The following PCDHGA6 variants were observed in gnomAD, a reference collection of about 807,000 sequenced individuals.
PCDHGA6 encodes protocadherin gamma subfamily A, 6, also known as protocadherin gamma-A6.
PCDHGA6 carries 41 observed loss-of-function variants against 60.6 expected under a neutral mutation model. The ratio of observed to expected loss-of-function variants is 0.68; its 90% confidence interval spans 0.53 to 0.88. PCDHGA6 has a LOEUF of 0.88. PCDHGA6 is among the 40% of genes least tolerant of loss of function. The pLI is 0.00. For synonymous variants in PCDHGA6, 594 were observed against 524.4 expected (o/e 1.13, Z -1.81); for missense variants, 1,312 against 1,203.0 (o/e 1.09, Z -1.34).
At position 141,490,370 on chromosome 5, in the gene PCDHGA6, G is replaced by C. The variant is rs768474199; in HGVS notation, c.2425-4437G>C. ...GTGGGGTTGTTTAATGTGCGAGACC[G>C]GGACTCAGGTAGAAATGGTGAAGTG... On this transcript the variant is annotated intron_variant, in intron 1 of 3. Coordinates refer to ENST00000517434, the MANE Select transcript of PCDHGA6 (RefSeq NM_018919.3). The surrounding 1 kb of genome is among the most constrained non-coding windows in gnomAD (Gnocchi z 5.4). 1 of 1,614,172 alleles carries C rather than the reference G, an allele frequency of 6.2e-7. No individual in the cohort carries two copies. Among genetic ancestry groups the C allele is most frequent in the Admixed American group, 1.7e-5 (1 of 60,026 alleles).
rs1432960207 is a variant in PCDHGA6, at chr5:141,477,648, C to A, written c.2425-17159C>A. On this transcript the variant is annotated intron_variant, in intron 1 of 3. Coordinates refer to ENST00000517434, the MANE Select transcript of PCDHGA6 (RefSeq NM_018919.3). This position sits in a 1 kb window ranked among gnomAD's most constrained non-coding sequence, Gnocchi z 4.9. ...ACCGGGCTAGTGGGTCGCTATTTCA[C>A]AATAAATCGTGACAATGGCATAGTG... is the stretch of plus-strand genomic sequence containing the variant. 7 of 1,614,046 alleles carry A rather than the reference C, an allele frequency of 4.3e-6. No homozygotes were observed. Among genetic ancestry groups the A allele is most frequent in the Non-Finnish European group, 5.9e-6 (7 of 1,180,044 alleles).
At chr5:141,484,589 C>T (rs2154580160) in intron 1 of PCDHGA6, among the ~76,000 whole-genome samples, 1 of 152,074 alleles carries the variant, frequency 6.6e-6, no homozygotes, top group African/African-American at 2.4e-5. Context: ...GGAAGCTACT[C>T]ATTTAGAATA....
intron 1 of PCDHGA6, chr5:141,423,914 A>G (rs2096790099): frequency 3.0e-5 from 38 of 1,268,116 alleles, no homozygotes; most frequent in Non-Finnish European, 3.0e-6. Flanking sequence ...GGGGCCATTC[A>G]ACTATGCTGG....
chr5:141,424,393 A>G (rs1241872928), intron 1 of PCDHGA6: 1 of 152,120 alleles, frequency 6.6e-6, no homozygotes, highest in Non-Finnish European at 1.5e-5. Flanking sequence ...TGTCTTTTCC[A>G]TTACTATGGT....
At chr5:141,474,871 A>G (rs894657981) in intron 1 of PCDHGA6, among the ~76,000 whole-genome samples, 5 of 152,236 alleles carry the variant, frequency 3.3e-5, no homozygotes, top group African/African-American at 1.2e-4. Context: ...ATAGGATAGG[A>G]GCAGGAACTC....
rs936750924 is a variant in PCDHGA6, at chr5:141,418,950, T to A, written c.2424+42443T>A. On this transcript the variant is annotated intron_variant, in intron 1 of 3. Transcript: ENST00000517434. ...ATTATGGAGGATTCCCCTCCAGGAG[T>A]GGTTGTTGCCCTCTTCAAAACACGG... 23 of 1,613,742 alleles carry A rather than the reference T, an allele frequency of 1.4e-5. No individual in the cohort carries two copies. Among genetic ancestry groups the A allele is most frequent in the Non-Finnish European group, 1.9e-5 (23 of 1,179,860 alleles).
At chr5:141,426,432 C>T (rs1239073805) in intron 1 of PCDHGA6, 2 of 295,812 alleles carry the variant, frequency 6.8e-6, no homozygotes, top group African/African-American at 2.2e-5. Flanking sequence ...TGGTGGGGAA[C>T]CTTGCGGAGG....
At position 141,393,547 on chromosome 5, in the gene PCDHGA6, C is replaced by G. The variant is rs761723933; in HGVS notation, c.2424+17040C>G. 11 of 1,613,820 alleles carry G rather than the reference C, an allele frequency of 6.8e-6. No homozygotes were observed. The African/African-American group carries it at 9.3e-5, about 14-fold the overall frequency. On this transcript the variant is annotated intron_variant, in intron 1 of 3. Transcript: ENST00000517434. ...GACAATGCCCCGGTTTTTCCTCACCCGATTTACCGAGTGAAAGTCCTTGAG... is the reference window on the plus strand; with the variant it reads ...GACAATGCCCCGGTTTTTCCTCACCGGATTTACCGAGTGAAAGTCCTTGAG...
intron 1 of PCDHGA6, among the ~76,000 whole-genome samples, chr5:141,453,974 T>C (rs1386640440): frequency 6.6e-6 from 1 of 152,242 alleles, no homozygotes; most frequent in Non-Finnish European, 1.5e-5. Flanking sequence ...CATGTAGTTG[T>C]GTTGCCTTCC....
At chr5:141,390,533 A>G (rs1589127549) in intron 1 of PCDHGA6, 1 of 529,950 alleles carries the variant, frequency 1.9e-6, no homozygotes. Context: ...GTGTGGTTTT[A>G]ACCACAAAGT....
Position 141,485,172 on chromosome 5 carries a change from C to A in PCDHGA6, c.2425-9635C>A. ...CAAGTAGAGAATTAGCGGGCGGCAG[C>A]AATGCTCCGCAAGGTGAGAAGCTGG... On this transcript the variant is annotated intron_variant, in intron 1 of 3. Transcript: ENST00000517434. The surrounding 1 kb of genome is among the most constrained non-coding windows in gnomAD (Gnocchi z 5.7). 6.2e-7 allele frequency: 1 copy of A among 1,610,164 alleles called. No individual in the cohort carries two copies. The highest frequency in any genetic ancestry group is 8.5e-7 in the Non-Finnish European group (1 of 1,176,940).
At chr5:141,414,811 C>T in intron 1 of PCDHGA6, 3 of 1,614,254 alleles carry the variant, frequency 1.9e-6, no homozygotes, top group Non-Finnish European at 2.5e-6. Context: ...GGATCCTCCA[C>T]TCAGCAGCAA....
chr5:141,500,645 A>C (rs2099801792), intron 2 of PCDHGA6, among the ~76,000 whole-genome samples: 1 of 152,228 alleles, frequency 6.6e-6, no homozygotes, highest in African/African-American at 2.4e-5. Flanking sequence ...GTTTTTTAAA[A>C]ATAGCAACTG....
At chr5:141,405,978 T>G (rs1280230437) in intron 1 of PCDHGA6, among the ~76,000 whole-genome samples, 1 of 152,144 alleles carries the variant, frequency 6.6e-6, no homozygotes, top group Non-Finnish European at 1.5e-5. Context: ...TAAACCATAC[T>G]TCATGGGGTA....
Position 141,476,017 on chromosome 5 carries a change from G to C in PCDHGA6, c.2425-18790G>C. The C allele has an allele frequency of 1.5e-6, 2 of 1,369,942 alleles. No individual in the cohort carries two copies. The highest frequency in any genetic ancestry group is 2.0e-6 in the Non-Finnish European group (2 of 1,015,658). The allele number at this position is 1,369,942 out of a possible 1,614,324, so 84.9% of individuals were successfully genotyped here. A position where few individuals can be genotyped will look rare whatever the true frequency, so the allele number is the denominator to read the frequency against. On this transcript the variant is annotated intron_variant, in intron 1 of 3. Coordinates refer to ENST00000517434, the MANE Select transcript of PCDHGA6 (RefSeq NM_018919.3). This position sits in a 1 kb window ranked among gnomAD's most constrained non-coding sequence, Gnocchi z 7.6. ...CAACGGCATCCAGAAAGCCATGTCG[G>C]ACTCGGCGCCCAGCGCCCAAGCGCT...
chr5:141,385,481 G>A, intron 1 of PCDHGA6: 8 of 1,422,472 alleles, frequency 5.6e-6, no homozygotes, highest in Non-Finnish European at 6.4e-6. Context: ...CTTTAATATA[G>A]AACACATAGG....
chr5:141,505,078 C>G (rs535590642), intron 2 of PCDHGA6, among the ~76,000 whole-genome samples: 81 of 152,298 alleles, frequency 5.3e-4, no homozygotes, highest in African/African-American at 2.0e-3. Flanking sequence ...AGGAGAATCG[C>G]TTGAACCCAG....
At chr5:141,460,231 G>A (rs911633731) in intron 1 of PCDHGA6, among the ~76,000 whole-genome samples, 3 of 152,028 alleles carry the variant, frequency 2.0e-5, no homozygotes, top group Non-Finnish European at 4.4e-5. Context: ...CTTTTGAAGA[G>A]CAGAAGATGT....
chr5:141,478,652 G>A (rs188883724), intron 1 of PCDHGA6: 2 of 1,551,970 alleles, frequency 1.3e-6, no homozygotes, highest in East Asian at 2.4e-5. Flanking sequence ...TGTTTTCCTG[G>A]TGATGCATTC....
Sources: allele counts gnomAD v4.1 joint callset (sites outside exome capture counted in the v4.1 genomes callset), GRCh38; gene constraint gnomAD v4.1.1; non-coding constraint Gnocchi (gnomAD v3.1); transcripts MANE v1.5; gene names NCBI Gene and HGNC (gene_info 2026-07-23, HGNC 2026-07-21).